CNTN6: variants seen among roughly 807,000 people sequenced by gnomAD.
CNTN6 encodes contactin 6.
CNTN6 carries 137 observed loss-of-function variants against 122.8 expected under a neutral mutation model. The observed-to-expected ratio is 1.12, with a 90% confidence interval of 0.97 to 1.29. CNTN6 has a LOEUF of 1.29. CNTN6 is among the 50% of genes most tolerant of loss of function. The probability of loss-of-function intolerance (pLI) is 0.00; values close to 1 mark genes in which losing one functional copy is unlikely to be tolerated. For missense variants in CNTN6, 1,634 were observed against 1,223.4 expected (o/e 1.34, Z -5.01); for synonymous variants, 570 against 426.0 (o/e 1.34, Z -4.16).
At chr3:1,258,917 T>C (rs911588937) in intron 4 of CNTN6, among the ~76,000 whole-genome samples, 2 of 152,140 alleles carry the variant, frequency 1.3e-5, no homozygotes, top group African/African-American at 4.8e-5. Flanking sequence ...AAACCTTTTC[T>C]GTAAAGAGCC....
intron 7 of CNTN6, among the ~76,000 whole-genome samples, chr3:1,307,015 T>A (rs1698469151): frequency 6.6e-6 from 1 of 152,206 alleles, no homozygotes; most frequent in African/African-American, 2.4e-5. Flanking sequence ...ATTCCTTCAT[T>A]TCTTCATTTA....
At chr3:1,179,358 CT>C (rs2093513090) in intron 2 of CNTN6, among the ~76,000 whole-genome samples, 2 of 152,084 alleles carry the variant, frequency 1.3e-5, no homozygotes, top group Admixed American at 6.5e-5. Flanking sequence ...TACCCACACA[CT>C]TTTGTAACTC....
chr3:1,131,452 T>C (rs1342930282), intron 1 of CNTN6, among the ~76,000 whole-genome samples: 4 of 151,804 alleles, frequency 2.6e-5, no homozygotes, highest in Admixed American at 6.6e-5. Flanking sequence ...GGAGTATGAG[T>C]GTTCAATGAA....
Position 1,233,359 on chromosome 3 carries a change from G to A in CNTN6, c.358+5366G>A, listed in dbSNP as rs539861191. ...GGGTCTGGCCATACAAATACTAAGAGGCCAAGTTTTGTATTTTACTGCTTA... is the reference window on the plus strand; with the variant it reads ...GGGTCTGGCCATACAAATACTAAGAAGCCAAGTTTTGTATTTTACTGCTTA... On this transcript the variant is annotated intron_variant, in intron 4 of 22. Transcript: ENST00000446702. Among the ~76,000 whole-genome samples, 21 of 152,194 alleles carry A rather than the reference G, an allele frequency of 1.4e-4. No individual in the cohort carries two copies. In the South Asian group the frequency reaches 4.4e-3, roughly 32 times the overall value.
chr3:1,113,198 A>T (rs1265867257), intron 1 of CNTN6, among the ~76,000 whole-genome samples: 2 of 152,178 alleles, frequency 1.3e-5, no homozygotes, highest in Non-Finnish European at 2.9e-5. Flanking sequence ...TAACTTCTAA[A>T]GAGGCCAGGG....
At chr3:1,328,177 T>G (rs1041500914) in intron 10 of CNTN6, among the ~76,000 whole-genome samples, 2 of 151,842 alleles carry the variant, frequency 1.3e-5, no homozygotes, top group Non-Finnish European at 2.9e-5. Context: ...CATAGTAAAC[T>G]TTTTATGTCA....
At chr3:1,252,387 T>A (rs1381964836) in intron 4 of CNTN6, among the ~76,000 whole-genome samples, 2 of 152,148 alleles carry the variant, frequency 1.3e-5, no homozygotes, top group African/African-American at 4.8e-5. Flanking sequence ...ATATATAACA[T>A]TTAGAAAATA....
At chr3:1,261,716 C>T (rs368702010) in intron 4 of CNTN6, among the ~76,000 whole-genome samples, 7 of 152,080 alleles carry the variant, frequency 4.6e-5, no homozygotes, top group African/African-American at 1.7e-4. Context: ...ACAGTGGCTG[C>T]TACAATCATA....
At chr3:1,358,595 G>A (rs867730893) in intron 12 of CNTN6, among the ~76,000 whole-genome samples, 1 of 151,916 alleles carries the variant, frequency 6.6e-6, no homozygotes, top group Non-Finnish European at 1.5e-5. Context: ...AAAGAGGAAT[G>A]GGGTTGAAGG....
rs532282828 is a variant in CNTN6, at chr3:1,348,157, C to CAAAAAAAAAAAAA, written c.1365-4160_1365-4148dup. Among the ~76,000 whole-genome samples, 440 of 64,232 alleles carry CAAAAAAAAAAAAA rather than the reference C, an allele frequency of 6.9e-3. 57 individuals carry two copies. The highest frequency in any genetic ancestry group is 0.027 in the African/African-American group (398 of 14,546). 42.1% of individuals were successfully genotyped at this position (64,232 alleles called of 152,430 possible). On this transcript the variant is annotated intron_variant, in intron 11 of 22. Coordinates refer to ENST00000446702, the MANE Select transcript of CNTN6 (RefSeq NM_001289080.2). ...AATATTAGTATTTCTATGCTATAGA[C>CAAAAAAAAAAAAA]AAAAAAAAAAAAAAAAAAAGGACTT...
At chr3:1,398,052 G>A (rs1695201825) in intron 20 of CNTN6, among the ~76,000 whole-genome samples, 1 of 152,064 alleles carries the variant, frequency 6.6e-6, no homozygotes, top group African/African-American at 2.4e-5. Context: ...TTTGGAAATT[G>A]CCTGGAAAGA....
intron 7 of CNTN6, among the ~76,000 whole-genome samples, chr3:1,312,544 C>A (rs950318847): frequency 1.3e-5 from 2 of 151,124 alleles, no homozygotes; most frequent in African/African-American, 4.9e-5. Flanking sequence ...TAAGCTTCTA[C>A]TCAAATTTGG....
chr3:1,128,893 C>A (rs750090905), intron 1 of CNTN6, among the ~76,000 whole-genome samples: 2 of 151,988 alleles, frequency 1.3e-5, no homozygotes, highest in Non-Finnish European at 2.9e-5. Context: ...CTATTCAGTT[C>A]CATAAAACCA....
At chr3:1,105,642 A>G (rs2091182301) in intron 1 of CNTN6, among the ~76,000 whole-genome samples, 1 of 152,174 alleles carries the variant, frequency 6.6e-6, no homozygotes, top group Non-Finnish European at 1.5e-5. Context: ...AGTGATATAA[A>G]GTTATTGTTC....
intron 11 of CNTN6, among the ~76,000 whole-genome samples, chr3:1,337,451 CAACATT>C (rs1186350533): frequency 6.6e-6 from 1 of 152,126 alleles, no homozygotes; most frequent in East Asian, 1.9e-4. Context: ...CTTTTCAAGA[CAACATT>C]AACCATTATA....
chr3:1,339,970 C>A (rs1703648794), intron 11 of CNTN6, among the ~76,000 whole-genome samples: 1 of 151,996 alleles, frequency 6.6e-6, no homozygotes, highest in African/African-American at 2.4e-5. Context: ...GATGATATAT[C>A]CATTTATATG....
intron 4 of CNTN6, among the ~76,000 whole-genome samples, chr3:1,267,984 C>T (rs58823156): frequency 0.019 from 2,967 of 152,210 alleles, 98 homozygotes; most frequent in African/African-American, 0.067. Flanking sequence ...TTTCTGGATA[C>T]TCCCCTTTTT....
intron 1 of CNTN6, among the ~76,000 whole-genome samples, chr3:1,142,968 GTATATA>G (rs3043051): frequency 0.035 from 4,541 of 128,624 alleles, 132 homozygotes; most frequent in African/African-American, 0.088. Flanking sequence ...GTGTGTGTGT[GTATATA>G]TATATATATA....
chr3:1,117,599 A>G (rs1257074549), intron 1 of CNTN6, among the ~76,000 whole-genome samples: 2 of 152,206 alleles, frequency 1.3e-5, no homozygotes, highest in East Asian at 1.9e-4. Context: ...ACAACCTGTT[A>G]GTATGCATTT....
Sources: allele counts gnomAD v4.1 joint callset (sites outside exome capture counted in the v4.1 genomes callset), GRCh38; gene constraint gnomAD v4.1.1; transcripts MANE v1.5; gene names NCBI Gene and HGNC (gene_info 2026-07-23, HGNC 2026-07-21).